Variants in NRCAM observed in about 807,000 individuals in gnomAD.
NRCAM encodes the protein NgCAM-related cell adhesion molecule.
In NRCAM, 83 loss-of-function variants were observed where a neutral mutation model predicts 156.5. That is an observed-to-expected ratio of 0.53 (90% CI 0.44 to 0.64). The LOEUF (loss-of-function observed/expected upper bound fraction) is 0.64, where lower values mean the gene tolerates loss of function less well. NRCAM is among the 30% of genes least tolerant of loss of function. NRCAM has a pLI of 0.00. For synonymous variants in NRCAM, 538 were observed against 563.9 expected (o/e 0.95, Z 0.65); for missense variants, 1,417 against 1,597.3 (o/e 0.89, Z 1.92).
chr7:108,343,113 G>T (rs184480420), intron 2 of NRCAM, among the ~76,000 whole-genome samples: 4 of 152,296 alleles, frequency 2.6e-5, no homozygotes, highest in African/African-American at 9.6e-5. Context: ...TAGAAAAAGG[G>T]CTTCAAAAAG....
intron 3 of NRCAM, among the ~76,000 whole-genome samples, chr7:108,291,371 G>A (rs1186629791): frequency 1.3e-5 from 2 of 152,168 alleles, no homozygotes; most frequent in African/African-American, 4.8e-5. Flanking sequence ...CAGCGAACAA[G>A]CAAATGCTTA....
intron 27 of NRCAM, 65 bp downstream of exon 27, chr7:108,176,365 T>A: frequency 6.9e-7 from 1 of 1,448,898 alleles, no homozygotes; most frequent in South Asian, 1.2e-5. Context: ...GGAAAAAGCA[T>A]AAACTTAAAG....
Position 108,209,423 on chromosome 7 carries a change from TTAACTC to T in NRCAM, c.1067_1072del (p.Arg356_Val357del). The T allele has an allele frequency of 6.3e-7, 1 of 1,584,094 alleles. No individual in the cohort carries two copies. The highest frequency in any genetic ancestry group is 8.6e-7 in the Non-Finnish European group (1 of 1,167,120). ...AGAATGGATTTTAAACAATATACCT[TTAACTC>T]TAACAGAAATGGTATGGTGGATGGC... is the stretch of plus-strand genomic sequence containing the variant. On this transcript the variant is annotated inframe_deletion, in exon 12 of 33. Transcript: ENST00000379028.
intron 2 of NRCAM, among the ~76,000 whole-genome samples, chr7:108,390,512 T>C (rs1413624215): frequency 1.3e-5 from 2 of 152,210 alleles, no homozygotes; most frequent in Non-Finnish European, 2.9e-5. Flanking sequence ...GTTGATTTTT[T>C]TAAAAAACCA....
At chr7:108,194,979 T>C (rs1486516587) in intron 15 of NRCAM, among the ~76,000 whole-genome samples, 2 of 152,242 alleles carry the variant, frequency 1.3e-5, no homozygotes, top group Non-Finnish European at 1.5e-5. Flanking sequence ...TAAAAGAACA[T>C]GGGAGAGCTT....
intron 32 of NRCAM, among the ~76,000 whole-genome samples, chr7:108,153,101 G>A (rs1329590376): frequency 6.6e-6 from 1 of 151,966 alleles, no homozygotes; most frequent in African/African-American, 2.4e-5. Flanking sequence ...ATTTTTTGAG[G>A]CTAGTATAAC....
At chr7:108,391,370 GTTT>G (rs559469199) in intron 2 of NRCAM, among the ~76,000 whole-genome samples, 2,098 of 152,200 alleles carry the variant, frequency 0.014, 19 homozygotes, top group Middle Eastern at 0.045. Flanking sequence ...TTTAAAGTCT[GTTT>G]TATCAGAGAC....
chr7:108,194,076 A>ATC lies in NRCAM; in HGVS notation c.1725_1726insGA (p.Ser576AspfsTer8). ...TCCTTCAGCCACAGGACAGTGAGGG[A>ATC]TAAGGTGTGATCATGTTTCACTTTG... On this transcript the variant is annotated frameshift_variant, in exon 17 of 33. Transcript: ENST00000379028. LOFTEE classifies it high-confidence loss of function. 6.2e-7 allele frequency: 1 copy of ATC among 1,614,138 alleles called. No individual in the cohort carries two copies. The highest frequency in any genetic ancestry group is 8.5e-7 in the Non-Finnish European group (1 of 1,179,984).
intron 25 of NRCAM, 102 bp downstream of exon 25, chr7:108,180,121 T>G (rs1374340092): frequency 1.1e-6 from 1 of 926,978 alleles, no homozygotes; most frequent in Non-Finnish European, 1.7e-6. Flanking sequence ...CAATCACATT[T>G]GGCTTCCAGA....
At chr7:108,363,917 C>T (rs1233489963) in intron 2 of NRCAM, among the ~76,000 whole-genome samples, 1 of 151,626 alleles carries the variant, frequency 6.6e-6, no homozygotes, top group African/African-American at 2.4e-5. Flanking sequence ...CCTAGGGAGA[C>T]ATAACAAATA....
intron 1 of NRCAM, among the ~76,000 whole-genome samples, chr7:108,445,242 G>A (rs1240770049): frequency 6.6e-6 from 1 of 152,160 alleles, no homozygotes; most frequent in African/African-American, 2.4e-5. Flanking sequence ...TTCCTTCTCA[G>A]AAGGACACAC....
At chr7:108,397,088 C>T (rs1401164850) in intron 2 of NRCAM, among the ~76,000 whole-genome samples, 1 of 151,762 alleles carries the variant, frequency 6.6e-6, no homozygotes, top group Non-Finnish European at 1.5e-5. Context: ...CTTTACAGCT[C>T]AATAAAGATT....
At chr7:108,328,498 A>G (rs2099093462) in intron 2 of NRCAM, 1 of 152,190 alleles carries the variant, frequency 6.6e-6, no homozygotes, top group Admixed American at 6.5e-5. Context: ...TGCCCATCCC[A>G]GCACATTTCT....
At chr7:108,355,829 C>T (rs2099490508) in intron 2 of NRCAM, among the ~76,000 whole-genome samples, 1 of 152,232 alleles carries the variant, frequency 6.6e-6, no homozygotes, top group African/African-American at 2.4e-5. Context: ...CAATGATAAT[C>T]TGTGGCTACA....
intron 2 of NRCAM, among the ~76,000 whole-genome samples, chr7:108,337,302 C>T (rs1373768099): frequency 6.6e-6 from 1 of 151,682 alleles, no homozygotes; most frequent in African/African-American, 2.4e-5. Flanking sequence ...CTCTTTGGGT[C>T]CCCTCCCTTT....
intron 2 of NRCAM, among the ~76,000 whole-genome samples, chr7:108,355,943 A>ATTT (rs35999220): frequency 6.9e-6 from 1 of 145,194 alleles, no homozygotes; most frequent in Non-Finnish European, 1.5e-5. Context: ...GTACAGTAAG[A>ATTT]TTTTTTTTTT....
In NRCAM at chr7:108,332,449, T is replaced by G. The variant is rs140432640; in HGVS notation, c.-173-19718A>C. ...GTGAAGACAGTCATCTCACATTCAT[T>G]AATTCTCGGCTCACTGCTTCTCTTC... On this transcript the variant is annotated intron_variant, in intron 2 of 32. Transcript: ENST00000379028. Among the ~76,000 whole-genome samples the G allele has an allele frequency of 9.1e-4, 139 of 152,332 alleles. 1 individual carries two copies. Among genetic ancestry groups the G allele is most frequent in the African/African-American group, 3.1e-3 (129 of 41,570 alleles).
intron 2 of NRCAM, among the ~76,000 whole-genome samples, chr7:108,378,041 A>G (rs2099683657): frequency 6.6e-6 from 1 of 152,212 alleles, no homozygotes; most frequent in African/African-American, 2.4e-5. Flanking sequence ...GACCTTACAG[A>G]ATTCATACAG....
intron 2 of NRCAM, among the ~76,000 whole-genome samples, chr7:108,373,198 G>A (rs1045892829): frequency 1.3e-5 from 2 of 152,136 alleles, no homozygotes; most frequent in African/African-American, 2.4e-5. Context: ...GTGGAAGTAG[G>A]AGGAAATGGA....
Sources: allele counts gnomAD v4.1 joint callset (sites outside exome capture counted in the v4.1 genomes callset), GRCh38; gene constraint gnomAD v4.1.1; transcripts MANE v1.5; gene names NCBI Gene and HGNC (gene_info 2026-07-23, HGNC 2026-07-21).